Variants in CCDC170 observed in about 807,000 individuals in gnomAD.
CCDC170 encodes the protein coiled-coil domain containing 170, also known as coiled-coil domain-containing protein 170.
In CCDC170, 69 loss-of-function variants were observed where a neutral mutation model predicts 72.6. That is an observed-to-expected ratio of 0.95 (90% CI 0.78 to 1.16). CCDC170 has a LOEUF of 1.16. CCDC170 is among the 50% of genes most tolerant of loss of function. CCDC170 has a pLI of 0.00. For missense variants in CCDC170, 852 were observed against 832.5 expected (o/e 1.02, Z -0.29); for synonymous variants, 300 against 303.9 (o/e 0.99, Z 0.13).
intron 6 of CCDC170, among the ~76,000 whole-genome samples, chr6:151,575,221 G>A (rs962100955): frequency 3.3e-5 from 5 of 151,842 alleles, no homozygotes; most frequent in Middle Eastern, 3.4e-3. Context: ...TATTGCTGTC[G>A]TGCTTGCTTG....
chr6:151,530,405 ACTAT>A (rs1311091755), intron 1 of CCDC170, among the ~76,000 whole-genome samples: 3 of 150,442 alleles, frequency 2.0e-5, no homozygotes, highest in African/African-American at 7.3e-5. Context: ...TTCTTATAGA[ACTAT>A]CTTTTCATAT....
At chr6:151,587,517 G>A (rs529164679) in intron 7 of CCDC170, among the ~76,000 whole-genome samples, 11 of 152,240 alleles carry the variant, frequency 7.2e-5, no homozygotes, top group African/African-American at 1.2e-4. Context: ...CAAGAGCCTC[G>A]ATGCCAAATT....
chr6:151,537,111 A>G (rs1782601590), intron 2 of CCDC170, among the ~76,000 whole-genome samples: 1 of 152,182 alleles, frequency 6.6e-6, no homozygotes, highest in African/African-American at 2.4e-5. Context: ...AGTTCTTAAG[A>G]GGGAATTCTG....
intron 1 of CCDC170, among the ~76,000 whole-genome samples, chr6:151,522,943 T>C (rs1782345378): frequency 6.6e-6 from 1 of 152,188 alleles, no homozygotes; most frequent in Non-Finnish European, 1.5e-5. Context: ...ATAAGCTTGC[T>C]TTTACCTTAT....
chr6:151,562,531 C>A (rs75948794), intron 5 of CCDC170, among the ~76,000 whole-genome samples: 1 of 152,100 alleles, frequency 6.6e-6, no homozygotes, highest in Non-Finnish European at 1.5e-5. Context: ...CTTTATCAGA[C>A]CATGCTTGTT....
At chr6:151,502,521 A>G (rs942587256) in intron 1 of CCDC170, among the ~76,000 whole-genome samples, 5 of 152,314 alleles carry the variant, frequency 3.3e-5, no homozygotes, top group Admixed American at 2.0e-4. Context: ...TAACCTCAAT[A>G]TCTGTGCAAG....
At chr6:151,598,420 G>A (rs1430120771) in intron 9 of CCDC170, among the ~76,000 whole-genome samples, 1 of 152,158 alleles carries the variant, frequency 6.6e-6, no homozygotes, top group Non-Finnish European at 1.5e-5. Context: ...CATTACAGGA[G>A]CAGATGGGGG....
Position 151,552,064 on chromosome 6 carries a change from G to A in CCDC170, c.774+3575G>A, listed in dbSNP as rs542486705. ...TTTTTGGTTGTTGTTGTTTTAAATA[G>A]CATTGACATGTTGGAGAGTCCAGAG... On this transcript the variant is annotated intron_variant, in intron 5 of 10. Transcript: ENST00000239374. 3.4e-5 allele frequency among the ~76,000 whole-genome samples: 5 copies of A among 148,046 alleles called. No individual in the cohort carries two copies. In the Admixed American group the frequency reaches 3.4e-4, roughly 10 times the overall value.
intron 7 of CCDC170, among the ~76,000 whole-genome samples, chr6:151,586,928 G>A (rs1776459588): frequency 6.6e-6 from 1 of 151,926 alleles, no homozygotes; most frequent in Non-Finnish European, 1.5e-5. Context: ...GAGATTACAG[G>A]CGCCCGCCAC....
intron 1 of CCDC170, among the ~76,000 whole-genome samples, chr6:151,522,022 T>C (rs1025362023): frequency 2.6e-4 from 39 of 149,030 alleles, no homozygotes; most frequent in Admixed American, 2.4e-3. Flanking sequence ...TTGTTGGGCA[T>C]GTTGGCATGT....
chr6:151,572,047 G>T (rs930187173), intron 5 of CCDC170, among the ~76,000 whole-genome samples: 8 of 152,158 alleles, frequency 5.3e-5, no homozygotes, highest in Admixed American at 2.0e-4. Flanking sequence ...TAAGATGGGG[G>T]TTTACCAAGT....
At chr6:151,558,877 G>A (rs1337119409) in intron 5 of CCDC170, among the ~76,000 whole-genome samples, 1 of 151,784 alleles carries the variant, frequency 6.6e-6, no homozygotes, top group Non-Finnish European at 1.5e-5. Context: ...GGCTACTTAA[G>A]GTCTTTTGTG....
At chr6:151,577,795 T>G (rs1001885514) in intron 6 of CCDC170, among the ~76,000 whole-genome samples, 1 of 152,190 alleles carries the variant, frequency 6.6e-6, no homozygotes, top group Admixed American at 6.5e-5. Flanking sequence ...GGCATTAGAT[T>G]CTCATAGGAA....
chr6:151,494,066 C>T lies in CCDC170; in HGVS notation c.-63C>T. The T allele has an allele frequency of 7.0e-7, 1 of 1,420,794 alleles. No individual in the cohort carries two copies. 88.0% of individuals were successfully genotyped at this position (1,420,794 alleles called of 1,614,324 possible). On this transcript the variant is annotated 5_prime_UTR_variant, in exon 1 of 11. Coordinates refer to ENST00000239374, the MANE Select transcript of CCDC170 (RefSeq NM_025059.4). ...AGACACCCGCGCCACCCGCCGGCTC[C>T]CGGCGCCGCCGCTTCCTCAGGGCCG...
chr6:151,614,305 A>G (rs1776922197), intron 9 of CCDC170, among the ~76,000 whole-genome samples: 3 of 152,078 alleles, frequency 2.0e-5, no homozygotes, highest in Admixed American at 6.6e-5. Flanking sequence ...GGTGACTTCT[A>G]TCTTACATAC....
At chr6:151,543,350 A>G (rs919856221) in intron 3 of CCDC170, among the ~76,000 whole-genome samples, 2 of 152,092 alleles carry the variant, frequency 1.3e-5, no homozygotes, top group Admixed American at 6.6e-5. Context: ...GTACATATTT[A>G]TGGGATATGG....
chr6:151,539,786 A>G (rs1162434775), intron 3 of CCDC170, among the ~76,000 whole-genome samples: 1 of 152,204 alleles, frequency 6.6e-6, no homozygotes, highest in African/African-American at 2.4e-5. Flanking sequence ...TAATGTGTCC[A>G]AAACGGAGCT....
At chr6:151,564,331 T>A (rs1001370155) in intron 5 of CCDC170, among the ~76,000 whole-genome samples, 1 of 151,832 alleles carries the variant, frequency 6.6e-6, no homozygotes, top group African/African-American at 2.4e-5. Context: ...GTTGGTGGAG[T>A]TGTGGGAAGT....
chr6:151,578,660 G>A (rs1048376544), intron 6 of CCDC170, among the ~76,000 whole-genome samples: 1 of 152,158 alleles, frequency 6.6e-6, no homozygotes, highest in Non-Finnish European at 1.5e-5. Flanking sequence ...AACAAAAGTT[G>A]AGATGAACAG....
Sources: gnomAD v4.1 joint callset for allele counts (sites outside exome capture counted in the v4.1 genomes callset) on GRCh38, gnomAD v4.1.1 for gene constraint, MANE v1.5 for transcripts, NCBI Gene and HGNC (gene_info 2026-07-23, HGNC 2026-07-21) for gene names.